Variants in TCF12 observed in about 807,000 individuals in gnomAD.
The protein encoded by TCF12 is transcription factor 12.
Under a neutral mutation model 86.0 loss-of-function variants are expected in TCF12, and 45 were observed. The observed-to-expected ratio is 0.52, with a 90% CI of 0.41 to 0.67. TCF12 has a LOEUF of 0.67. TCF12 is among the 30% of genes least tolerant of loss of function. TCF12 has a pLI of 0.00. For synonymous variants in TCF12, 330 were observed against 299.6 expected, an observed-to-expected ratio of 1.10 and a Z score of -1.05; for missense variants, 881 against 859.9, an observed-to-expected ratio of 1.02 and a Z score of -0.31.
intron 19 of TCF12, among the ~76,000 whole-genome samples, chr15:57,280,016 C>A (rs553535889): frequency 6.6e-6 from 1 of 151,718 alleles, no homozygotes; most frequent in Non-Finnish European, 1.5e-5. Context: ...GTCTCAGCCT[C>A]CCGAGTAGCT....
chr15:57,192,581 T>C (rs1431511866), intron 7 of TCF12, among the ~76,000 whole-genome samples: 4 of 152,018 alleles, frequency 2.6e-5, no homozygotes, highest in Non-Finnish European at 5.9e-5. Context: ...AGAGACAGGG[T>C]TTTGCCATGT....
chr15:57,280,333 TTAAC>T (rs2061630546), intron 19 of TCF12, among the ~76,000 whole-genome samples: 1 of 152,224 alleles, frequency 6.6e-6, no homozygotes, highest in South Asian at 2.1e-4. Context: ...CCCTAATAAA[TTAAC>T]TAAGAGTGTA....
At chr15:57,201,172 A>G (rs950953747) in intron 8 of TCF12, among the ~76,000 whole-genome samples, 2 of 152,166 alleles carry the variant, frequency 1.3e-5, no homozygotes, top group East Asian at 1.9e-4. Flanking sequence ...TTGTAGCAGC[A>G]ACAGTAGAAT....
At chr15:57,183,062 G>T (rs2056453393) in intron 6 of TCF12, among the ~76,000 whole-genome samples, 1 of 152,106 alleles carries the variant, frequency 6.6e-6, no homozygotes. Context: ...ACTTAAGATT[G>T]CTATAAATCC....
chr15:57,105,359 C>T (rs569848778), intron 5 of TCF12, among the ~76,000 whole-genome samples: 2 of 152,110 alleles, frequency 1.3e-5, no homozygotes, highest in Non-Finnish European at 2.9e-5. Flanking sequence ...TGTCTTTAAA[C>T]CTTTGTGTGT....
At chr15:57,031,541 G>A (rs1387933583) in intron 3 of TCF12, among the ~76,000 whole-genome samples, 4 of 152,134 alleles carry the variant, frequency 2.6e-5, no homozygotes, top group African/African-American at 4.8e-5. Flanking sequence ...AATATTCTCC[G>A]GTTCTGGGTA....
intron 18 of TCF12, among the ~76,000 whole-genome samples, chr15:57,265,967 A>G (rs2060845353): frequency 6.6e-6 from 1 of 152,306 alleles, no homozygotes; most frequent in Admixed American, 6.5e-5. Context: ...CTGAAATGTT[A>G]TGGGCTCATA....
At chr15:57,273,473 G>A (rs1597820578) in intron 19 of TCF12, among the ~76,000 whole-genome samples, 1 of 151,990 alleles carries the variant, frequency 6.6e-6, no homozygotes, top group African/African-American at 2.4e-5. Flanking sequence ...CCAATAGAGA[G>A]TAATTCTGTG....
intron 16 of TCF12, among the ~76,000 whole-genome samples, chr15:57,261,632 T>C (rs144492408): frequency 5.8e-4 from 88 of 152,280 alleles, no homozygotes; most frequent in African/African-American, 1.9e-3. Flanking sequence ...TTTTTTTATG[T>C]AAGTTAATAC....
intron 3 of TCF12, among the ~76,000 whole-genome samples, chr15:56,996,883 C>G (rs529629652): frequency 1.4e-3 from 214 of 152,294 alleles, no homozygotes; most frequent in Non-Finnish European, 2.4e-3. Flanking sequence ...TGCTCATAAT[C>G]ACTAATCGTC....
At chr15:56,988,577 G>A (rs536649232) in intron 3 of TCF12, among the ~76,000 whole-genome samples, 1 of 152,224 alleles carries the variant, frequency 6.6e-6, no homozygotes, top group South Asian at 2.1e-4. Flanking sequence ...AATGTTAGTT[G>A]CTATAGTTAT....
intron 19 of TCF12, among the ~76,000 whole-genome samples, chr15:57,280,986 A>G (rs916055288): frequency 6.6e-5 from 10 of 151,968 alleles, no homozygotes; most frequent in African/African-American, 2.4e-4. Context: ...TGGGCTTAAA[A>G]CTCATTTTTT....
Position 57,288,982 on chromosome 15 carries a change from A to G in TCF12, c.*2837A>G, listed in dbSNP as rs772038818. 4.4e-5 allele frequency: 6 copies of G among 134,844 alleles called. No individual in the cohort carries two copies. The highest frequency in any genetic ancestry group is 1.4e-4 in the African/African-American group (4 of 28,594). 8.4% of individuals were successfully genotyped at this position (134,844 alleles called of 1,614,324 possible). A position where few individuals can be genotyped will look rare whatever the true frequency, so the allele number is the denominator to read the frequency against. ...GTTAAAAGATCAAAAATTTGCTTTT[A>G]TCCCAGTTTTTAACCACAAAAAAAA... On this transcript the variant is annotated 3_prime_UTR_variant, in exon 21 of 21. Coordinates refer to ENST00000333725, the MANE Select transcript of TCF12 (RefSeq NM_207037.2).
intron 16 of TCF12, among the ~76,000 whole-genome samples, chr15:57,257,043 A>T (rs1256816486): frequency 6.6e-6 from 1 of 152,198 alleles, no homozygotes; most frequent in Non-Finnish European, 1.5e-5. Flanking sequence ...TAACTCTGAC[A>T]ATGTAATGTG....
At chr15:57,028,069 T>C (rs1019478262) in intron 3 of TCF12, among the ~76,000 whole-genome samples, 3 of 152,138 alleles carry the variant, frequency 2.0e-5, no homozygotes, top group Admixed American at 6.6e-5. Flanking sequence ...GTTCAAGTTA[T>C]TCTTCTGCCT....
At chr15:57,257,841 A>G (rs2060419818) in intron 16 of TCF12, among the ~76,000 whole-genome samples, 1 of 152,126 alleles carries the variant, frequency 6.6e-6, no homozygotes, top group African/African-American at 2.4e-5. Context: ...TGATACTGAT[A>G]TATCATTTAA....
At chr15:56,986,485 TA>T (rs2063184511) in intron 3 of TCF12, among the ~76,000 whole-genome samples, 1 of 152,196 alleles carries the variant, frequency 6.6e-6, no homozygotes, top group Non-Finnish European at 1.5e-5. Flanking sequence ...CTGTTGTAAG[TA>T]GCTGACTGTG....
At chr15:56,987,978 T>C (rs1446503834) in intron 3 of TCF12, among the ~76,000 whole-genome samples, 1 of 152,240 alleles carries the variant, frequency 6.6e-6, no homozygotes, top group African/African-American at 2.4e-5. Context: ...AAACTGGTCA[T>C]GTGATATTTC....
intron 4 of TCF12, among the ~76,000 whole-genome samples, chr15:57,085,421 GTCAT>G (rs756083924): frequency 2.0e-4 from 30 of 152,128 alleles, no homozygotes; most frequent in South Asian, 4.1e-4. Context: ...TTATTTTTCA[GTCAT>G]TCATTACATT....
Sources: allele counts gnomAD v4.1 joint callset (sites outside exome capture counted in the v4.1 genomes callset), GRCh38; gene constraint gnomAD v4.1.1; transcripts MANE v1.5; gene names NCBI Gene and HGNC (gene_info 2026-07-23, HGNC 2026-07-21).